The following EYS variants were observed in gnomAD, a reference collection of about 807,000 sequenced individuals.
The protein encoded by EYS is EGF-like photoreceptor maintenance factor, also known as protein eyes shut homolog.
In EYS, 250 loss-of-function variants were observed where a neutral mutation model predicts 282.1. The observed-to-expected ratio is 0.89, with a 90% CI of 0.80 to 0.98. The LOEUF (loss-of-function observed/expected upper bound fraction) is 0.98. EYS is among the 50% of genes least tolerant of loss of function. EYS has a pLI of 0.00. For missense variants in EYS, 4,016 were observed against 3,709.0 expected, an observed-to-expected ratio of 1.08 and a Z score of -2.15; for synonymous variants, 1,355 against 1,282.9, an observed-to-expected ratio of 1.06 and a Z score of -1.20.
intron 13 of EYS, among the ~76,000 whole-genome samples, chr6:65,033,352 A>G (rs1004929483): frequency 6.6e-6 from 1 of 152,234 alleles, no homozygotes; most frequent in African/African-American, 2.4e-5. Flanking sequence ...AAAAGGAGCC[A>G]AGTGCCAATA....
At chr6:63,870,635 G>T (rs1772778905) in intron 35 of EYS, among the ~76,000 whole-genome samples, 1 of 152,084 alleles carries the variant, frequency 6.6e-6, no homozygotes, top group Admixed American at 6.6e-5. Context: ...AGGTGTTCTT[G>T]CTTCTAAATA....
rs75566215 is a variant in EYS, at chr6:65,648,594, T to C, written c.-447-8702A>G. Among the ~76,000 whole-genome samples, 373 of 152,084 alleles carry C rather than the reference T, an allele frequency of 2.5e-3. 11 individuals carry two copies. In the East Asian group the frequency reaches 0.056, roughly 23 times the overall value. On this transcript the variant is annotated intron_variant, in intron 1 of 42. Transcript: ENST00000503581. ...GTCGTGAGGAGTAAAAGAGTACACATTGGGTACATTGTACACTGCTTGGGT... is the reference window on the plus strand; with the variant it reads ...GTCGTGAGGAGTAAAAGAGTACACACTGGGTACATTGTACACTGCTTGGGT...
chr6:65,367,360 C>T lies in EYS; in HGVS notation c.1300-13743G>A, dbSNP rs538043550. ...ACCTGACCTTATTTTGTTTTTCTTT[C>T]ACAAATGATTTATTCTTAACCATAG... On this transcript the variant is annotated intron_variant, in intron 8 of 42. Coordinates refer to ENST00000503581, the MANE Select transcript of EYS (RefSeq NM_001142800.2). 7.3e-5 allele frequency among the ~76,000 whole-genome samples: 11 copies of T among 151,706 alleles called. No individual in the cohort carries two copies. In the South Asian group the frequency reaches 2.1e-3, roughly 29 times the overall value.
At chr6:65,337,234 G>C (rs981192704) in intron 10 of EYS, among the ~76,000 whole-genome samples, 1 of 151,344 alleles carries the variant, frequency 6.6e-6, no homozygotes, top group Non-Finnish European at 1.5e-5. Context: ...ATAGTTCTTT[G>C]ACATGAACAG....
chr6:64,187,773 T>C (rs1161334542), intron 31 of EYS, among the ~76,000 whole-genome samples: 1 of 152,138 alleles, frequency 6.6e-6, no homozygotes, highest in Non-Finnish European at 1.5e-5. Flanking sequence ...TTAGCTTCTT[T>C]AGCTTTCTTC....
At chr6:64,973,823 T>C (rs1770380972) in intron 14 of EYS, among the ~76,000 whole-genome samples, 1 of 151,974 alleles carries the variant, frequency 6.6e-6, no homozygotes, top group African/African-American at 2.4e-5. Context: ...TTCTCATTTT[T>C]AAAATGGGCT....
chr6:63,966,773 C>T (rs868867253), intron 35 of EYS, among the ~76,000 whole-genome samples: 6 of 152,116 alleles, frequency 3.9e-5, no homozygotes, highest in Non-Finnish European at 7.4e-5. Flanking sequence ...TGAGATAATA[C>T]GTATAGAGTA....
At chr6:63,724,600 T>G (rs547098912) in intron 42 of EYS, among the ~76,000 whole-genome samples, 15 of 152,254 alleles carry the variant, frequency 9.9e-5, no homozygotes, top group Non-Finnish European at 1.8e-4. Flanking sequence ...AGGTGTTAAA[T>G]TTTTAGCAGA....
At chr6:64,432,319 C>T (rs939690115) in intron 28 of EYS, among the ~76,000 whole-genome samples, 1 of 151,774 alleles carries the variant, frequency 6.6e-6, no homozygotes, top group African/African-American at 2.4e-5. Context: ...AAATTAATGG[C>T]AGTATTTTTA....
At chr6:64,783,567 T>C (rs1773928320) in intron 22 of EYS, among the ~76,000 whole-genome samples, 1 of 152,148 alleles carries the variant, frequency 6.6e-6, no homozygotes, top group East Asian at 1.9e-4. Context: ...CTAAAATTAT[T>C]ATACATATTG....
intron 40 of EYS, among the ~76,000 whole-genome samples, chr6:63,764,285 G>A (rs1324602836): frequency 6.6e-6 from 1 of 151,666 alleles, no homozygotes; most frequent in Non-Finnish European, 1.5e-5. Context: ...TGCAAAAAAC[G>A]GAAAATTGTA....
intron 9 of EYS, among the ~76,000 whole-genome samples, chr6:65,344,718 G>A (rs2150320439): frequency 6.6e-6 from 1 of 151,570 alleles, no homozygotes; most frequent in Non-Finnish European, 1.5e-5. Context: ...AGGAATTAGG[G>A]GATGAGAGAT....
intron 35 of EYS, among the ~76,000 whole-genome samples, chr6:63,965,942 C>T (rs1392713236): frequency 6.6e-6 from 1 of 152,130 alleles, no homozygotes; most frequent in Non-Finnish European, 1.5e-5. Flanking sequence ...GGGCTAAAAT[C>T]CCAGCTAAGC....
intron 5 of EYS, among the ~76,000 whole-genome samples, chr6:65,422,840 G>GTA (rs1767518457): frequency 6.6e-6 from 1 of 151,388 alleles, no homozygotes; most frequent in Non-Finnish European, 1.5e-5. Flanking sequence ...ACACACATAT[G>GTA]TATATATGTA....
chr6:65,133,525 G>T (rs2150203913), intron 12 of EYS, among the ~76,000 whole-genome samples: 1 of 152,138 alleles, frequency 6.6e-6, no homozygotes, highest in East Asian at 1.9e-4. Flanking sequence ...AGTGTGAAAA[G>T]GACTCCCTAT....
intron 28 of EYS, among the ~76,000 whole-genome samples, chr6:64,427,852 G>A (rs116051647): frequency 5.3e-5 from 8 of 152,184 alleles, no homozygotes; most frequent in African/African-American, 1.9e-4. Context: ...AAAGGAATTT[G>A]ATAGTATTTG....
At chr6:64,549,658 C>T (rs1765001780) in intron 26 of EYS, among the ~76,000 whole-genome samples, 1 of 151,516 alleles carries the variant, frequency 6.6e-6, no homozygotes. Context: ...GTAGCTGACT[C>T]TTCATGTGAT....
chr6:64,156,505 C>T (rs112927804), intron 31 of EYS, among the ~76,000 whole-genome samples: 16,987 of 152,058 alleles, frequency 0.11, 1,839 homozygotes, highest in African/African-American at 0.29. Flanking sequence ...GAAATGACTT[C>T]GGAACTAGGT....
At chr6:64,440,177 ATAT>A (rs1774892531) in intron 26 of EYS, among the ~76,000 whole-genome samples, 1 of 151,898 alleles carries the variant, frequency 6.6e-6, no homozygotes, top group South Asian at 2.1e-4. Context: ...CTACTAGAAA[ATAT>A]TATTTATAAA....
Sources: gnomAD v4.1 joint callset for allele counts (sites outside exome capture counted in the v4.1 genomes callset) on GRCh38, gnomAD v4.1.1 for gene constraint, MANE v1.5 for transcripts, NCBI Gene and HGNC (gene_info 2026-07-23, HGNC 2026-07-21) for gene names.